The following BPIFB6 variants were observed in gnomAD, a reference collection of about 807,000 sequenced individuals.
BPIFB6 encodes BPI fold-containing family B member 6.
Under a neutral mutation model 54.7 loss-of-function variants are expected in BPIFB6, and 47 were observed. The ratio of observed to expected loss-of-function variants is 0.86; its 90% CI spans 0.68 to 1.10. The LOEUF (loss-of-function observed/expected upper bound fraction) is 1.10. Among genes scored for constraint, BPIFB6 ranks in the 50% least tolerant of loss-of-function variants. The pLI is 0.00. For missense variants in BPIFB6, 603 were observed against 564.1 expected, an observed-to-expected ratio of 1.07 and a Z score of -0.70; for synonymous variants, 255 against 225.9, an observed-to-expected ratio of 1.13 and a Z score of -1.16.
chr20:33,033,392 T>G, intron 2 of BPIFB6: 1 of 485,242 alleles, frequency 2.1e-6, no homozygotes. Flanking sequence ...TACGTGAAAT[T>G]AAATGAAAAC....
Position 33,037,543 on chromosome 20 carries a change from C to G in BPIFB6, c.670-19C>G. ...CCCTCTCGGCCAAGGCTGAGTGTCTCCCTCCTGCTGCCCCATAGCCTGTGG... is the reference window on the plus strand; with the variant it reads ...CCCTCTCGGCCAAGGCTGAGTGTCTGCCTCCTGCTGCCCCATAGCCTGTGG... On this transcript the variant is annotated intron_variant, in intron 7 of 14. Transcript: ENST00000349552. The G allele has an allele frequency of 1.3e-6, 2 of 1,591,772 alleles. No homozygotes were observed. The highest frequency in any genetic ancestry group is 1.7e-6 in the Non-Finnish European group (2 of 1,165,104).
Position 33,032,971 on chromosome 20 carries a change from G to T in BPIFB6, c.98-13G>T, listed in dbSNP as rs770505479. 6.2e-7 allele frequency: 1 copy of T among 1,607,310 alleles called. No individual in the cohort carries two copies. Among genetic ancestry groups the T allele is most frequent in the Middle Eastern group, 1.7e-4 (1 of 6,054 alleles). On this transcript the variant is annotated splice_polypyrimidine_tract_variant and intron_variant, in intron 1 of 14. Transcript: ENST00000349552. ...CCAGGGAAAATCTCTCCAACTAAGT[G>T]TCTCCACTCCAGAGGTCCAGAGCGC...
At chr20:33,042,128 C>T in intron 12 of BPIFB6, 113 bp downstream of exon 12, 3 of 1,094,138 alleles carry the variant, frequency 2.7e-6, no homozygotes, top group East Asian at 2.5e-5. Context: ...CAGAGCAAGG[C>T]CACTGTGAGG....
chr20:33,033,384 C>T (rs545835825), intron 2 of BPIFB6: 25 of 494,340 alleles, frequency 5.1e-5, no homozygotes, highest in African/African-American at 1.2e-4. Flanking sequence ...ATTGAATGTA[C>T]GTGAAATTAA....
intron 2 of BPIFB6, chr20:33,033,614 G>C (rs1338386862): frequency 2.2e-6 from 1 of 456,830 alleles, no homozygotes; most frequent in Non-Finnish European, 4.4e-6. Context: ...GCAAGTGGGG[G>C]TATGTGTGCC....
chr20:33,037,782 C>A, intron 8 of BPIFB6, 44 bp downstream of exon 8: 1 of 1,589,476 alleles, frequency 6.3e-7, no homozygotes, highest in Non-Finnish European at 8.6e-7. Flanking sequence ...CTGTCCATTA[C>A]AATGCAGTCC....
chr20:33,031,708 G>A lies in BPIFB6; in HGVS notation c.61G>A (p.Gly21Arg), dbSNP rs1365104880. Residue 21 changes from glycine (G) to arginine (R), a missense_variant, in exon 1 of 15, where the codon GGG becomes AGG. Coordinates refer to ENST00000349552, the MANE Select transcript of BPIFB6 (RefSeq NM_174897.2). Reference protein sequence around the residue: ...SLLTGTRADPGALLRLGMDIM... With the variant: ...SLLTGTRADPRALLRLGMDIM... The stretch of plus-strand genomic sequence containing the variant: ...GCTGACTGGCACGCGAGCTGACCCT[G>A]GGGCACTGCTGCGGTTGGGCATGGA... The A allele has an allele frequency of 2.5e-6, 4 of 1,613,992 alleles. No individual in the cohort carries two copies. The African/African-American group carries it at 4.0e-5, about 16-fold the overall frequency.
chr20:33,039,322 G>T, intron 9 of BPIFB6, 25 bp from the exon 10 acceptor site: 1 of 1,588,254 alleles, frequency 6.3e-7, no homozygotes, highest in Non-Finnish European at 8.6e-7. Flanking sequence ...GACTGGCCCT[G>T]AGTGAAGTGT....
chr20:33,036,395 G>A (rs757101922), intron 6 of BPIFB6, 50 bp from the exon 7 acceptor site: 2 of 1,515,604 alleles, frequency 1.3e-6, no homozygotes, highest in Non-Finnish European at 1.8e-6. Flanking sequence ...GCTTCTCTGG[G>A]CTGTTCCTGG....
Position 33,034,213 on chromosome 20 carries a change from C to A in BPIFB6, c.225C>A (p.Pro75=), listed in dbSNP as rs187134186. 2 of 1,613,930 alleles carry A rather than the reference C, an allele frequency of 1.2e-6. No individual in the cohort carries two copies. The highest frequency in any genetic ancestry group is 2.7e-5 in the African/African-American group (2 of 74,890). Residue 75 remains proline (P), a synonymous_variant, in exon 3 of 15, where the codon CCC becomes CCA. Coordinates refer to ENST00000349552, the MANE Select transcript of BPIFB6 (RefSeq NM_174897.2). ...TGAAGGTGAAGGATGTCCAGCTGCCCGTCATCACACTGAACTTTGTACCTG... is the reference window on the plus strand; with the variant it reads ...TGAAGGTGAAGGATGTCCAGCTGCCAGTCATCACACTGAACTTTGTACCTG... ...TNLKVKDVQL[P]VITLNFVPGV...
chr20:33,036,348 T>A, intron 6 of BPIFB6, 97 bp from the exon 7 acceptor site: 1 of 1,018,112 alleles, frequency 9.8e-7, no homozygotes, highest in African/African-American at 1.6e-5. Flanking sequence ...TTGAGTCACG[T>A]GGAGGGCCAG....
chr20:33,042,692 A>G, intron 12 of BPIFB6, 123 bp from the exon 13 acceptor site: 2 of 905,476 alleles, frequency 2.2e-6, no homozygotes, highest in Admixed American at 4.7e-5. Context: ...CCAGCTGGAC[A>G]AACCATTTGA....
chr20:33,033,356 T>C, intron 2 of BPIFB6: 1 of 547,654 alleles, frequency 1.8e-6, no homozygotes, highest in Non-Finnish European at 3.5e-6. Context: ...ATTTCAACTC[T>C]GCATGCAACA....
At chr20:33,041,036 C>T (rs1979560837) in intron 11 of BPIFB6, among the ~76,000 whole-genome samples, 1 of 142,394 alleles carries the variant, frequency 7.0e-6, no homozygotes, top group South Asian at 2.2e-4. Flanking sequence ...GTTGCCCAGG[C>T]TGGAGTGCAG....
intron 8 of BPIFB6, among the ~76,000 whole-genome samples, chr20:33,038,635 C>T (rs2146366590): frequency 6.6e-6 from 1 of 152,294 alleles, no homozygotes; most frequent in Non-Finnish European, 1.5e-5. Flanking sequence ...TCCCCTTTAC[C>T]CATCACATCT....
chr20:33,043,426 A>C (rs1239469691), intron 14 of BPIFB6, 59 bp downstream of exon 14: 2 of 1,489,840 alleles, frequency 1.3e-6, no homozygotes. Context: ...GTGAGTGATG[A>C]GCAAGAGCCT....
rs901531467 is a variant in BPIFB6, at chr20:33,034,197, A to G, written c.209A>G (p.Lys70Arg). Reference protein sequence around the residue: ...PIKGITNLKVKDVQLPVITLN... With the variant: ...PIKGITNLKVRDVQLPVITLN... ...CTGTCCCTTCCCAGTTTGAAGGTGA[A>G]GGATGTCCAGCTGCCCGTCATCACA... is the stretch of plus-strand genomic sequence containing the variant. The change falls in exon 3 of 15, where the codon AAG (lysine) becomes AGG (arginine). Residue 70 changes from lysine (K) to arginine (R), a missense_variant. By Grantham distance (26) the Lys-to-Arg change is conservative (BLOSUM62 2). Coordinates refer to ENST00000349552, the MANE Select transcript of BPIFB6 (RefSeq NM_174897.2). 2 of 1,613,682 alleles carry G rather than the reference A, an allele frequency of 1.2e-6. No individual in the cohort carries two copies. The highest frequency in any genetic ancestry group is 2.7e-5 in the African/African-American group (2 of 74,878).
Position 33,042,076 on chromosome 20 carries a change from T to A in BPIFB6, c.1188+61T>A, listed in dbSNP as rs1035769912. Reference sequence around the variant, plus strand: ...AGGACAAGACTGGGCCTATTCTCCCTCGGAACTACAGGGCCGAGGCCCTGA... The same window carrying A: ...AGGACAAGACTGGGCCTATTCTCCCACGGAACTACAGGGCCGAGGCCCTGA... On this transcript the variant is annotated intron_variant, in intron 12 of 14. Coordinates refer to ENST00000349552, the MANE Select transcript of BPIFB6 (RefSeq NM_174897.2). The A allele has an allele frequency of 3.2e-6, 5 of 1,540,916 alleles. No individual in the cohort carries two copies. The African/African-American group carries it at 5.5e-5, about 17-fold the overall frequency.
chr20:33,038,927 C>G lies in BPIFB6; in HGVS notation c.865C>G (p.Gln289Glu), dbSNP rs1220067675. 1.9e-6 allele frequency: 3 copies of G among 1,614,134 alleles called. No homozygotes were observed. Among genetic ancestry groups the G allele is most frequent in the South Asian group, 2.2e-5 (2 of 91,068 alleles). ...QDTMIGELPP[Q>E]TTKTLARFIP... ...TCTGTAGATTGGTGAGCTGCCCCCA[C>G]AAACCACCAAGACCCTGGCTCGCTT... Residue 289 changes from glutamine (Q) to glutamate (E), a missense_variant, in exon 9 of 15, where the codon CAA becomes GAA. Coordinates refer to ENST00000349552, the MANE Select transcript of BPIFB6 (RefSeq NM_174897.2).
Sources: gnomAD v4.1 joint callset for allele counts (sites outside exome capture counted in the v4.1 genomes callset) on GRCh38, gnomAD v4.1.1 for gene constraint, MANE v1.5 for transcripts, NCBI Gene and HGNC (gene_info 2026-07-23, HGNC 2026-07-21) for gene names.